Variants in ELMOD2 observed in about 807,000 individuals in gnomAD.
The protein encoded by ELMOD2 is ELMO domain containing 2.
ELMOD2 carries 28 observed loss-of-function variants against 41.0 expected under a neutral mutation model. The ratio of observed to expected loss-of-function variants is 0.68; its 90% CI spans 0.51 to 0.94. The LOEUF (loss-of-function observed/expected upper bound fraction) is 0.94. Ranked by LOEUF, ELMOD2 falls within the 40% of genes least tolerant of loss-of-function variation. The pLI is 0.00. For synonymous variants in ELMOD2, 106 were observed against 107.2 expected, an observed-to-expected ratio of 0.99 and a Z score of 0.07; for missense variants, 333 against 343.1, an observed-to-expected ratio of 0.97 and a Z score of 0.23.
At chr4:140,549,967 A>G (rs1735418397) in intron 8 of ELMOD2, among the ~76,000 whole-genome samples, 1 of 152,108 alleles carries the variant, frequency 6.6e-6, no homozygotes. Flanking sequence ...GAGTTCAGGT[A>G]TGAGTCACTG....
intron 3 of ELMOD2, among the ~76,000 whole-genome samples, chr4:140,531,478 G>A (rs781750137): frequency 6.6e-6 from 1 of 152,168 alleles, no homozygotes; most frequent in Non-Finnish European, 1.5e-5. Flanking sequence ...CTGTACTTAC[G>A]CATATACAGG....
At chr4:140,546,890 C>G (rs530240145) in intron 8 of ELMOD2, among the ~76,000 whole-genome samples, 1 of 152,182 alleles carries the variant, frequency 6.6e-6, no homozygotes, top group Admixed American at 6.5e-5. Flanking sequence ...TCAGCTCAAT[C>G]TATAAGAGCT....
chr4:140,532,473 GT>G (rs1438744106), intron 3 of ELMOD2, among the ~76,000 whole-genome samples: 1 of 152,138 alleles, frequency 6.6e-6, no homozygotes, highest in African/African-American at 2.4e-5. Flanking sequence ...GGCCTGTCAT[GT>G]TGAGTTTTCA....
intron 3 of ELMOD2, among the ~76,000 whole-genome samples, chr4:140,533,372 ATTTT>A (rs1734811233): frequency 6.6e-6 from 1 of 152,174 alleles, no homozygotes; most frequent in African/African-American, 2.4e-5. Context: ...ATATGTCACA[ATTTT>A]TAACAAGAGT....
At chr4:140,547,680 A>T (rs1735335640) in intron 8 of ELMOD2, among the ~76,000 whole-genome samples, 1 of 152,194 alleles carries the variant, frequency 6.6e-6, no homozygotes, top group Admixed American at 6.6e-5. Flanking sequence ...AGCCATCATC[A>T]TAATCCACTT....
chr4:140,527,325 TGCTTCCTG>T (rs1035377384), intron 2 of ELMOD2, 133 bp from the exon 3 acceptor site: 2 of 724,800 alleles, frequency 2.8e-6, no homozygotes, highest in Admixed American at 5.9e-5. Context: ...AATTTTAAAA[TGCTTCCTG>T]TTATATAGAA....
intron 2 of ELMOD2, among the ~76,000 whole-genome samples, chr4:140,527,169 T>C (rs1734590867): frequency 6.6e-6 from 1 of 152,180 alleles, no homozygotes; most frequent in Non-Finnish European, 1.5e-5. Context: ...GACACAATTA[T>C]GGGTGAATTT....
At chr4:140,540,681 A>G (rs1735077480) in intron 6 of ELMOD2, among the ~76,000 whole-genome samples, 1 of 152,024 alleles carries the variant, frequency 6.6e-6, no homozygotes, top group Non-Finnish European at 1.5e-5. Flanking sequence ...CAGGAATTCA[A>G]GTTTACAGTG....
chr4:140,526,394 T>C (rs1734562712), intron 2 of ELMOD2, among the ~76,000 whole-genome samples: 1 of 152,218 alleles, frequency 6.6e-6, no homozygotes, highest in Non-Finnish European at 1.5e-5. Flanking sequence ...AATTTTACTC[T>C]AAAATTTGAA....
intron 2 of ELMOD2, 136 bp downstream of exon 2, chr4:140,525,706 C>G (rs1024715107): frequency 1.3e-5 from 11 of 862,248 alleles, no homozygotes; most frequent in African/African-American, 1.1e-4. Context: ...TGAAGTCCCG[C>G]TTTGACTCCT....
rs1735488808 is a variant in ELMOD2, at chr4:140,552,282, T to G, written c.*1907T>G. On this transcript the variant is annotated 3_prime_UTR_variant, in exon 9 of 9. Transcript: ENST00000323570. The stretch of plus-strand genomic sequence containing the variant: ...AAAGAAGGGGAAAATTTTAAGTAAG[T>G]TTTTTCCCTTCTAGGAAGAAAAACT... The G allele has an allele frequency of 6.6e-6, 1 of 152,000 alleles. No homozygotes were observed. Among genetic ancestry groups the G allele is most frequent in the South Asian group, 2.1e-4 (1 of 4,828 alleles). The allele number at this position is 152,000 out of a possible 1,614,324, so 9.4% of individuals were successfully genotyped here. A position where few individuals can be genotyped will look rare whatever the true frequency, so the allele number is the denominator to read the frequency against.
chr4:140,531,624 T>A (rs1734750502), intron 3 of ELMOD2, among the ~76,000 whole-genome samples: 2 of 152,238 alleles, frequency 1.3e-5, no homozygotes, highest in Admixed American at 6.5e-5. Context: ...AATAAATACA[T>A]TTTACGGCAT....
At position 140,524,721 on chromosome 4, in the gene ELMOD2, A is replaced by G. The variant is rs1010469706; in HGVS notation, c.-10+441A>G. On this transcript the variant is annotated intron_variant, in intron 1 of 8. Transcript: ENST00000323570. ...GAGACGAGCAATTTTGTTTTTAAGT[A>G]TCTCCCTCTCACTAGTATCTCCCTG... is the stretch of plus-strand genomic sequence containing the variant. 13 of 808,450 alleles carry G rather than the reference A, an allele frequency of 1.6e-5. No homozygotes were observed. In the South Asian group the frequency reaches 6.2e-4, roughly 39 times the overall value. 50.1% of individuals were successfully genotyped at this position (808,450 alleles called of 1,614,324 possible). A position where few individuals can be genotyped will look rare whatever the true frequency, so the allele number is the denominator to read the frequency against.
At chr4:140,542,497 A>G in intron 6 of ELMOD2, 77 bp from the exon 7 acceptor site, 1 of 1,063,432 alleles carries the variant, frequency 9.4e-7, no homozygotes, top group Admixed American at 2.1e-5. Flanking sequence ...TTTTGACAGT[A>G]GCTTTTTAAA....
intron 8 of ELMOD2, among the ~76,000 whole-genome samples, chr4:140,548,851 C>T (rs1274428115): frequency 6.6e-6 from 1 of 151,996 alleles, no homozygotes; most frequent in Admixed American, 6.6e-5. Flanking sequence ...TTTTGCTTTA[C>T]TTTTTAACAG....
rs137974790 is a variant in ELMOD2 at position 140,527,715 on chromosome 4, TTTTA to T, written c.171+225_171+228del. 1,197 of 461,568 alleles carry T rather than the reference TTTTA, an allele frequency of 2.6e-3. 6 individuals are homozygous for T. The highest frequency in any genetic ancestry group is 0.019 in the African/African-American group (916 of 48,592). 28.6% of individuals were successfully genotyped at this position (461,568 alleles called of 1,614,324 possible). On this transcript the variant is annotated intron_variant, in intron 3 of 8. Coordinates refer to ENST00000323570, the MANE Select transcript of ELMOD2 (RefSeq NM_153702.4). ...TTGAATAATTTGTCCTGTCCTGAGG[TTTTA>T]TTTGTTTATTTTGCTTTAAGAGTTG... is the stretch of plus-strand genomic sequence containing the variant.
In ELMOD2 at chr4:140,544,837, G is replaced by A. The variant is rs191805445; in HGVS notation, c.736+1251G>A. Among the ~76,000 whole-genome samples the A allele has an allele frequency of 1.4e-4, 21 of 152,096 alleles. No homozygotes were observed. In the East Asian group the frequency reaches 2.7e-3, roughly 20 times the overall value. On this transcript the variant is annotated intron_variant, in intron 8 of 8. Coordinates refer to ENST00000323570, the MANE Select transcript of ELMOD2 (RefSeq NM_153702.4). The stretch of plus-strand genomic sequence containing the variant: ...TCGCCTTCCAAATCTCAGTTTAGAC[G>A]TGCTCTTCTCTGGGAAGTTTATTCA...
chr4:140,530,577 A>G (rs1175360008), intron 3 of ELMOD2, among the ~76,000 whole-genome samples: 1 of 152,144 alleles, frequency 6.6e-6, no homozygotes, highest in Admixed American at 6.5e-5. Flanking sequence ...TTAAAATTGT[A>G]TTCTTATGAA....
At chr4:140,533,827 C>T (rs1015797958) in intron 3 of ELMOD2, among the ~76,000 whole-genome samples, 3 of 150,564 alleles carry the variant, frequency 2.0e-5, no homozygotes, top group Admixed American at 6.6e-5. Context: ...TGTATATATA[C>T]GTGTGTGTGT....
Sources: gnomAD v4.1 joint callset for allele counts (sites outside exome capture counted in the v4.1 genomes callset) on GRCh38, gnomAD v4.1.1 for gene constraint, MANE v1.5 for transcripts, NCBI Gene and HGNC (gene_info 2026-07-23, HGNC 2026-07-21) for gene names.